The following UNC5D variants were observed in gnomAD, a reference collection of about 807,000 sequenced individuals.
UNC5D encodes netrin receptor UNC5D.
Under a neutral mutation model 105.4 loss-of-function variants are expected in UNC5D, and 39 were observed. That is an observed-to-expected ratio of 0.37 (90% confidence interval 0.29 to 0.48). The LOEUF (loss-of-function observed/expected upper bound fraction) is 0.48. Ranked by LOEUF, UNC5D falls within the 20% of genes least tolerant of loss-of-function variation. UNC5D has a pLI of 0.98. For synonymous variants in UNC5D, 452 were observed against 450.4 expected (o/e 1.00, Z -0.04); for missense variants, 991 against 1,202.4 (o/e 0.82, Z 2.60).
At chr8:35,680,834 CTGTT>C (rs975831431) in intron 4 of UNC5D, among the ~76,000 whole-genome samples, 4 of 152,114 alleles carry the variant, frequency 2.6e-5, no homozygotes, top group African/African-American at 7.2e-5. Context: ...TCCTGACAAA[CTGTT>C]TGAGGAGAAG....
intron 1 of UNC5D, among the ~76,000 whole-genome samples, chr8:35,363,895 A>G (rs546553305): frequency 2.4e-4 from 36 of 152,220 alleles, no homozygotes; most frequent in South Asian, 6.2e-4. Context: ...AAATTTTATT[A>G]TTCTAGGCTA....
At chr8:35,347,723 G>A (rs936006811) in intron 1 of UNC5D, among the ~76,000 whole-genome samples, 2 of 151,898 alleles carry the variant, frequency 1.3e-5, no homozygotes, top group Admixed American at 6.6e-5. Context: ...AAGAGGCCAG[G>A]CCTCAAGATC....
intron 13 of UNC5D, among the ~76,000 whole-genome samples, chr8:35,751,433 C>T (rs1830278817): frequency 6.6e-6 from 1 of 152,152 alleles, no homozygotes; most frequent in African/African-American, 2.4e-5. Flanking sequence ...GCAATCTAGT[C>T]TCCAGGCAGG....
At chr8:35,299,883 T>C (rs745469394) in intron 1 of UNC5D, among the ~76,000 whole-genome samples, 11 of 152,180 alleles carry the variant, frequency 7.2e-5, no homozygotes, top group Non-Finnish European at 1.3e-4. Flanking sequence ...TGCTATTGAA[T>C]AATGTCCAGG....
intron 1 of UNC5D, among the ~76,000 whole-genome samples, chr8:35,326,420 C>T (rs145314484): frequency 1.4e-3 from 219 of 152,130 alleles, no homozygotes; most frequent in African/African-American, 4.9e-3. Context: ...GTAAAGAAGC[C>T]GAAAATTCAC....
rs910607992 is a variant in UNC5D at position 35,487,982 on chromosome 8, G to A, written c.104-61310G>A. Among the ~76,000 whole-genome samples, 11 of 152,172 alleles carry A rather than the reference G, an allele frequency of 7.2e-5. No homozygotes were observed. In the East Asian group the frequency reaches 9.6e-4, roughly 13 times the overall value. The stretch of plus-strand genomic sequence containing the variant: ...TTGTTTGAAAAGATGTCCAAGAAAA[G>A]TATTTAAAGTGTGGTCTGGTTTCTC... On this transcript the variant is annotated intron_variant, in intron 1 of 16. Transcript: ENST00000404895.
rs1450448838 is a variant in UNC5D at position 35,792,851 on chromosome 8, T to G, written c.*2288T>G. On this transcript the variant is annotated 3_prime_UTR_variant, in exon 17 of 17. Coordinates refer to ENST00000404895, the MANE Select transcript of UNC5D (RefSeq NM_080872.4). The stretch of plus-strand genomic sequence containing the variant: ...TTTTTTTTAGATGTTTGATACATTT[T>G]AAGTATTTTTAAATAGATGAAAATT... 3.2e-5 allele frequency: 11 copies of G among 348,786 alleles called. No homozygotes were observed. The highest frequency in any genetic ancestry group is 5.4e-5 in the Non-Finnish European group (10 of 183,614). The allele number at this position is 348,786 out of a possible 1,614,324, so 21.6% of individuals were successfully genotyped here.
chr8:35,328,745 C>T (rs1007588448), intron 1 of UNC5D, among the ~76,000 whole-genome samples: 1 of 152,122 alleles, frequency 6.6e-6, no homozygotes, highest in Non-Finnish European at 1.5e-5. Context: ...AAGCTTCTTC[C>T]AAGGCAGTCA....
Position 35,722,397 on chromosome 8 carries a change from T to G in UNC5D, c.1303+2T>G. On this transcript the variant is annotated splice_donor_variant, in intron 9 of 16. Coordinates refer to ENST00000404895, the MANE Select transcript of UNC5D (RefSeq NM_080872.4). LOFTEE classifies it high-confidence loss of function. ...TCAACTTCAAAACAGTCCGTCAAGG[T>G]CAGCGGCATAGGTCCCTCCACACCT... The G allele has an allele frequency of 6.2e-7, 1 of 1,613,060 alleles. No individual in the cohort carries two copies. Among genetic ancestry groups the G allele is most frequent in the Non-Finnish European group, 8.5e-7 (1 of 1,179,662 alleles).
At chr8:35,428,654 A>C (rs1439936849) in intron 1 of UNC5D, among the ~76,000 whole-genome samples, 1 of 151,958 alleles carries the variant, frequency 6.6e-6, no homozygotes, top group Non-Finnish European at 1.5e-5. Flanking sequence ...TTAGATATCC[A>C]TGTTTCACAA....
At chr8:35,413,257 CTGTGTGTGTG>C (rs1183992855) in intron 1 of UNC5D, among the ~76,000 whole-genome samples, 28 of 130,120 alleles carry the variant, frequency 2.2e-4, no homozygotes, top group African/African-American at 7.7e-4. Context: ...GGGGGCGGGT[CTGTGTGTGTG>C]TGTGTGTGTG....
intron 16 of UNC5D, among the ~76,000 whole-genome samples, chr8:35,778,485 C>T (rs1014272022): frequency 1.3e-5 from 2 of 152,108 alleles, no homozygotes; most frequent in African/African-American, 4.8e-5. Flanking sequence ...TGTTTTAATA[C>T]ACAGAAATCT....
chr8:35,573,017 A>G (rs1817848025), intron 3 of UNC5D, among the ~76,000 whole-genome samples: 1 of 151,858 alleles, frequency 6.6e-6, no homozygotes, highest in Non-Finnish European at 1.5e-5. Context: ...GTTAGCCAGG[A>G]TGGTCTCGAT....
In UNC5D at chr8:35,750,574, C is replaced by A. The variant is rs760815137; in HGVS notation, c.1936-8C>A. 5 of 1,613,596 alleles carry A rather than the reference C, an allele frequency of 3.1e-6. No individual in the cohort carries two copies. Among genetic ancestry groups the A allele is most frequent in the Non-Finnish European group, 4.2e-6 (5 of 1,179,634 alleles). ...CAAGTGAGAGAATAAACATACCTTTCCCAACAGGAAGTGATGTCAGTGGAA... is the reference window on the plus strand; with the variant it reads ...CAAGTGAGAGAATAAACATACCTTTACCAACAGGAAGTGATGTCAGTGGAA... On this transcript the variant is annotated splice_polypyrimidine_tract_variant and splice_region_variant and intron_variant, in intron 12 of 16. Transcript: ENST00000404895.
At chr8:35,396,707 A>G (rs2128946107) in intron 1 of UNC5D, among the ~76,000 whole-genome samples, 1 of 152,032 alleles carries the variant, frequency 6.6e-6, no homozygotes. Flanking sequence ...CATGTTGGCC[A>G]GGCTGGTCTT....
chr8:35,562,217 T>C (rs1817016514), intron 2 of UNC5D, among the ~76,000 whole-genome samples: 1 of 152,196 alleles, frequency 6.6e-6, no homozygotes, highest in African/African-American at 2.4e-5. Flanking sequence ...CTTTGTATGG[T>C]TGAATAATAT....
intron 1 of UNC5D, among the ~76,000 whole-genome samples, chr8:35,462,183 T>C (rs956605915): frequency 1.3e-5 from 2 of 152,194 alleles, no homozygotes; most frequent in Admixed American, 1.3e-4. Flanking sequence ...TAATTATTCT[T>C]TTACTAAATC....
chr8:35,347,053 T>A (rs1406265160), intron 1 of UNC5D, among the ~76,000 whole-genome samples: 6 of 152,018 alleles, frequency 3.9e-5, no homozygotes, highest in Admixed American at 2.0e-4. Context: ...GAAGTTGAAC[T>A]AAAATATAAG....
chr8:35,681,568 G>T (rs1204881793), intron 4 of UNC5D, among the ~76,000 whole-genome samples: 1 of 152,154 alleles, frequency 6.6e-6, no homozygotes, highest in African/African-American at 2.4e-5. Context: ...TGGTTCCATT[G>T]CCCTACTTTG....
Sources: gnomAD v4.1 joint callset for allele counts (sites outside exome capture counted in the v4.1 genomes callset) on GRCh38, gnomAD v4.1.1 for gene constraint, MANE v1.5 for transcripts, NCBI Gene and HGNC (gene_info 2026-07-23, HGNC 2026-07-21) for gene names.